The following SLC34A2 variants were observed in gnomAD, a reference collection of about 807,000 sequenced individuals.
SLC34A2 encodes the protein solute carrier family 34 member 2.
A neutral mutation model predicts 50.8 loss-of-function variants in SLC34A2; 41 were observed. That is an observed-to-expected ratio of 0.81 (90% CI 0.63 to 1.05). The LOEUF is 1.05. SLC34A2 is among the 50% of genes least tolerant of loss of function. SLC34A2 has a pLI of 0.00. For missense variants in SLC34A2, 879 were observed against 876.7 expected (o/e 1.00, Z -0.03); for synonymous variants, 401 against 364.2 (o/e 1.10, Z -1.15).
In SLC34A2 at chr4:25,674,396, C is replaced by A. The variant is rs148602519; in HGVS notation, c.1317C>A (p.Ala439=). The A allele has an allele frequency of 8.7e-4, 1,408 of 1,614,232 alleles. 3 individuals carry two copies. Among genetic ancestry groups the A allele is most frequent in the Non-Finnish European group, 1.1e-3 (1,314 of 1,180,028 alleles). The change falls in exon 11 of 13, where the codon GCC becomes GCA. Residue 439 remains alanine (A), a synonymous_variant. Transcript: ENST00000382051. ...AGAGCAGCTCTGTGTTCACGTCGGCCTTGACCCCCCTGATTGGTGAGTTAC... is the reference window on the plus strand; with the variant it reads ...AGAGCAGCTCTGTGTTCACGTCGGCATTGACCCCCCTGATTGGTGAGTTAC... The part of the protein sequence containing the change: ...IVQSSSVFTS[A]LTPLIGIGVI...
intron 6 of SLC34A2, among the ~76,000 whole-genome samples, chr4:25,669,299 C>A (rs114868774): frequency 5.9e-5 from 9 of 152,250 alleles, no homozygotes; most frequent in Non-Finnish European, 8.8e-5. Context: ...GCATAGAGGG[C>A]TTTGGTTGCC....
rs995352868 is a variant in SLC34A2 at position 25,671,715 on chromosome 4, G to A, written c.1042G>A (p.Ala348Thr). The A allele has an allele frequency of 1.4e-5, 23 of 1,614,046 alleles. No individual in the cohort carries two copies. The highest frequency in any genetic ancestry group is 1.9e-5 in the Non-Finnish European group (22 of 1,180,036). The change falls in exon 9 of 13, where the codon GCC becomes ACC. Residue 348 changes from alanine to threonine, a missense_variant. By Grantham distance (58) the Ala-to-Thr change is moderately conservative (BLOSUM62 0). Transcript: ENST00000382051. The stretch of plus-strand genomic sequence containing the variant: ...GAATGTGACCTACAAGGAGAACATC[G>A]CCAAATGTGAGTGGAGCTCAGTGGA... ...MKNVTYKENI[A>T]KCQHIFVNFH...
rs1715151408 is a variant in SLC34A2 at position 25,676,702 on chromosome 4, G to T, written c.2026G>T (p.Gly676Cys). ...DNITISREAQ[G>C]EVPASDSKTE... ...CATAACCATTAGCAGAGAGGCTCAG[G>T]GTGAGGTCCCTGCCTCGGACTCAAA... The change falls in exon 13 of 13, where the codon GGT becomes TGT. Residue 676 changes from glycine (G) to cysteine (C), a missense_variant. By Grantham distance (159) the Gly-to-Cys change is radical. Transcript: ENST00000382051. The T allele has an allele frequency of 1.2e-6, 2 of 1,614,058 alleles. No individual in the cohort carries two copies. Among genetic ancestry groups the T allele is most frequent in the African/African-American group, 2.7e-5 (2 of 74,922 alleles).
rs140374611 is a variant in SLC34A2 at position 25,678,623 on chromosome 4, C to T, written c.*1874C>T. On this transcript the variant is annotated 3_prime_UTR_variant, in exon 13 of 13. Transcript: ENST00000382051. ...CTCAAACTCCTGAGATCAAGCAATC[C>T]GCCCACCTCAGCCTCCCAAAGTGCT... The T allele has an allele frequency of 0.021, 6,630 of 310,438 alleles. 235 individuals are homozygous for T. Among genetic ancestry groups the T allele is most frequent in the African/African-American group, 0.085 (3,989 of 47,104 alleles). 19.2% of individuals were successfully genotyped at this position (310,438 alleles called of 1,614,324 possible). A position where few individuals can be genotyped will look rare whatever the true frequency, so the allele number is the denominator to read the frequency against.
chr4:25,676,460 T>A lies in SLC34A2; in HGVS notation c.1784T>A (p.Leu595Gln). 1 of 1,614,184 alleles carries A rather than the reference T, an allele frequency of 6.2e-7. No individual in the cohort carries two copies. The highest frequency in any genetic ancestry group is 1.3e-5 in the African/African-American group (1 of 75,034). ...KKLQNWNFLP[L>Q]WMRSLKPWDA... ...CTCCAGAACTGGAACTTCCTGCCGC[T>A]GTGGATGCGCTCGCTGAAGCCCTGG... Residue 595 changes from leucine to glutamine, a missense_variant, in exon 13 of 13, where the codon CTG (leucine) becomes CAG (glutamine). Physicochemically the swap from Leu to Gln is moderately radical, Grantham distance 113. Coordinates refer to ENST00000382051, the MANE Select transcript of SLC34A2 (RefSeq NM_006424.3).
rs1715134646 is a variant in SLC34A2 at position 25,676,537 on chromosome 4, T to C, written c.1861T>C (p.Cys621Arg). The C allele has an allele frequency of 1.2e-6, 2 of 1,613,466 alleles. No homozygotes were observed. The highest frequency in any genetic ancestry group is 1.7e-6 in the Non-Finnish European group (2 of 1,179,634). Residue 621 changes from cysteine to arginine, a missense_variant, in exon 13 of 13, where the codon TGC (cysteine) becomes CGC (arginine). Coordinates refer to ENST00000382051, the MANE Select transcript of SLC34A2 (RefSeq NM_006424.3). ...CTGCTTCCAGATGCGCTGCTGCTGCTGCTGCCGCGTGTGCTGCCGCGCGTG... is the reference window on the plus strand; with the variant it reads ...CTGCTTCCAGATGCGCTGCTGCTGCCGCTGCCGCGTGTGCTGCCGCGCGTG... Reference protein sequence around the residue: ...TGCFQMRCCCCCRVCCRACCL... With the variant: ...TGCFQMRCCCRCRVCCRACCL...
At position 25,676,727 on chromosome 4, in the gene SLC34A2, A is replaced by T; in HGVS notation, c.2051A>T (p.Lys684Met). ...GGTGAGGTCCCTGCCTCGGACTCAA[A>T]GACCGAATGCACGGCCTTGTAGGGG... ...AQGEVPASDS[K>M]TECTAL Residue 684 changes from lysine (K) to methionine (M), a missense_variant, in exon 13 of 13, where the codon AAG (lysine) becomes ATG (methionine). Coordinates refer to ENST00000382051, the MANE Select transcript of SLC34A2 (RefSeq NM_006424.3). The T allele has an allele frequency of 6.2e-7, 1 of 1,614,178 alleles. No individual in the cohort carries two copies. The highest frequency in any genetic ancestry group is 8.5e-7 in the Non-Finnish European group (1 of 1,180,040).
In SLC34A2 at chr4:25,673,274, T is replaced by C; in HGVS notation, c.1216+20T>C. On this transcript the variant is annotated intron_variant, in intron 10 of 12. Coordinates refer to ENST00000382051, the MANE Select transcript of SLC34A2 (RefSeq NM_006424.3). Reference sequence around the variant, plus strand: ...ACACTGGTAGGTACACTGCCCTCACTTGTAGGCCTCACATGTAGTCACTGC... The same window carrying C: ...ACACTGGTAGGTACACTGCCCTCACCTGTAGGCCTCACATGTAGTCACTGC... 7.0e-7 allele frequency: 1 copy of C among 1,426,800 alleles called. No homozygotes were observed. The highest frequency in any genetic ancestry group is 9.3e-7 in the Non-Finnish European group (1 of 1,073,670). The allele number at this position is 1,426,800 out of a possible 1,614,324, so 88.4% of individuals were successfully genotyped here.
Position 25,674,417 on chromosome 4 carries a change from G to A in SLC34A2, c.1333+5G>A. ...CGGCCTTGACCCCCCTGATTGGTGA[G>A]TTACACCCTGGCTTCTCCCTCTGGC... On this transcript the variant is annotated splice_donor_5th_base_variant and intron_variant, in intron 11 of 12. Transcript: ENST00000382051. 1 of 1,614,194 alleles carries A rather than the reference G, an allele frequency of 6.2e-7. No homozygotes were observed. Among genetic ancestry groups the A allele is most frequent in the Non-Finnish European group, 8.5e-7 (1 of 1,180,006 alleles).
chr4:25,668,526 C>G (rs1396168245), intron 6 of SLC34A2, among the ~76,000 whole-genome samples: 2 of 152,186 alleles, frequency 1.3e-5, no homozygotes, highest in African/African-American at 4.8e-5. Flanking sequence ...TCTGTAATCC[C>G]AGCTACTCTG....
In SLC34A2 at chr4:25,676,740, G is replaced by A. The variant is rs781399863; in HGVS notation, c.2064G>A (p.Thr688=). ...VPASDSKTEC[T]AL ...CCTCGGACTCAAAGACCGAATGCAC[G>A]GCCTTGTAGGGGACGCCCCAGATTG... The change falls in exon 13 of 13, where the codon ACG becomes ACA. Residue 688 remains threonine (T), a synonymous_variant. Transcript: ENST00000382051. The A allele has an allele frequency of 2.5e-6, 4 of 1,614,012 alleles. No individual in the cohort carries two copies. The highest frequency in any genetic ancestry group is 8.5e-7 in the Non-Finnish European group (1 of 1,180,044).
At chr4:25,672,977 TAAC>T in intron 9 of SLC34A2, 107 bp from the exon 10 acceptor site, 1 of 1,249,290 alleles carries the variant, frequency 8.0e-7, no homozygotes, top group Non-Finnish European at 1.2e-6. Flanking sequence ...TCTGTTAAAC[TAAC>T]AACCAGGAAT....
In SLC34A2 at chr4:25,670,737, G is replaced by T. The variant is rs1455787168; in HGVS notation, c.832-1G>T. 6 of 1,612,588 alleles carry T rather than the reference G, an allele frequency of 3.7e-6. No individual in the cohort carries two copies. The highest frequency in any genetic ancestry group is 5.1e-6 in the Non-Finnish European group (6 of 1,178,766). ...TGGTTTCCTGTCTACTGTTTCCACA[G>T]CTGGATAAAAAAGTTATCAGCCAAA... On this transcript the variant is annotated splice_acceptor_variant, in intron 7 of 12. Transcript: ENST00000382051. LOFTEE classifies it high-confidence loss of function.
rs370555297 is a variant in SLC34A2 at position 25,666,101 on chromosome 4, TTTTG to T, written c.380-11_380-8del. The T allele has an allele frequency of 1.9e-4, 313 of 1,608,454 alleles. 1 individual carries two copies. The highest frequency in any genetic ancestry group is 1.9e-3 in the African/African-American group (140 of 74,968). On this transcript the variant is annotated intron_variant, in intron 4 of 12. Transcript: ENST00000382051. ...TCCCCCTCGATCACGTTGTGATTGT[TTTTG>T]TTTGTTTGTTTGTTTTTCCCAGGAA...
At chr4:25,665,008 G>A (rs2109051197) in intron 4 of SLC34A2, 1 of 229,580 alleles carries the variant, frequency 4.4e-6, no homozygotes, top group East Asian at 6.2e-5. Flanking sequence ...GTGATTAGCA[G>A]AGTAAGATTC....
intron 6 of SLC34A2, among the ~76,000 whole-genome samples, chr4:25,668,535 T>G (rs996288561): frequency 2.0e-5 from 3 of 151,530 alleles, no homozygotes; most frequent in Non-Finnish European, 4.4e-5. Flanking sequence ...CCAGCTACTC[T>G]GGAGGCTGAG....
intron 1 of SLC34A2, chr4:25,656,406 A>T (rs901582621): frequency 1.3e-5 from 2 of 152,268 alleles, no homozygotes; most frequent in African/African-American, 4.8e-5. Context: ...CCCAAGTGTG[A>T]CTTCCACGTG....
intron 5 of SLC34A2, 141 bp downstream of exon 5, chr4:25,666,412 T>C (rs1415560161): frequency 6.3e-6 from 6 of 948,516 alleles, no homozygotes; most frequent in Non-Finnish European, 9.3e-6. Flanking sequence ...CCAGCTACAA[T>C]GTGTTTCCCT....
At chr4:25,673,601 C>A (rs1714941722) in intron 10 of SLC34A2, among the ~76,000 whole-genome samples, 1 of 152,180 alleles carries the variant, frequency 6.6e-6, no homozygotes, top group East Asian at 1.9e-4. Flanking sequence ...TCTGCCCTCG[C>A]CCCCACCTCC....
Sources: gnomAD v4.1 joint callset for allele counts (sites outside exome capture counted in the v4.1 genomes callset) on GRCh38, gnomAD v4.1.1 for gene constraint, MANE v1.5 for transcripts, NCBI Gene and HGNC (gene_info 2026-07-23, HGNC 2026-07-21) for gene names.